Variants in LHFPL7 observed in about 807,000 individuals in gnomAD.
LHFPL7 encodes LHFPL tetraspan subfamily member 7.
At chr22:24,936,920 C>A in the LHFPL7 span, among the ~76,000 whole-genome samples, 9 of 152,194 alleles carry the variant, frequency 5.9e-5, no homozygotes, top group Admixed American at 2.0e-4. Flanking sequence ...CCGCCCCCCC[C>A]GCCGCCCAAC....
the LHFPL7 span, among the ~76,000 whole-genome samples, chr22:24,943,647 C>T: frequency 6.6e-6 from 1 of 152,190 alleles, no homozygotes; most frequent in Non-Finnish European, 1.5e-5. Flanking sequence ...AGAACTGAGA[C>T]TCATACTTTG....
the LHFPL7 span, among the ~76,000 whole-genome samples, chr22:24,945,139 G>A: frequency 6.6e-6 from 1 of 152,160 alleles, no homozygotes; most frequent in African/African-American, 2.4e-5. Flanking sequence ...CTGGCTTCAA[G>A]AGATCCTCCT....
chr22:24,941,823 C>T, the LHFPL7 span, among the ~76,000 whole-genome samples: 13 of 151,720 alleles, frequency 8.6e-5, no homozygotes, highest in South Asian at 2.1e-4. Context: ...CAAGCCATCA[C>T]GCCCAGCTAA....
chr22:24,941,255 G>A, the LHFPL7 span, among the ~76,000 whole-genome samples: 314 of 151,478 alleles, frequency 2.1e-3, 1 homozygote, highest in African/African-American at 7.1e-3. Flanking sequence ...TGCAACCTCT[G>A]CCTCCCAGAT....
chr22:24,940,477 T>C, the LHFPL7 span, among the ~76,000 whole-genome samples: 1 of 150,758 alleles, frequency 6.6e-6, no homozygotes, highest in Admixed American at 6.6e-5. Context: ...GCGCCTGTAG[T>C]CCCAGCTACT....
chr22:24,942,060 ATCTCC>A, the LHFPL7 span, among the ~76,000 whole-genome samples: 2 of 151,800 alleles, frequency 1.3e-5, no homozygotes, highest in African/African-American at 4.8e-5. Flanking sequence ...CAGTGGCACG[ATCTCC>A]ATTCACTGCA....
the LHFPL7 span, among the ~76,000 whole-genome samples, chr22:24,946,202 C>T: frequency 6.6e-6 from 1 of 151,976 alleles, no homozygotes; most frequent in Admixed American, 6.6e-5. Flanking sequence ...CCCAGCTATT[C>T]GGGAGGCTGA....
At chr22:24,940,045 A>G in the LHFPL7 span, among the ~76,000 whole-genome samples, 1 of 145,674 alleles carries the variant, frequency 6.9e-6, no homozygotes, top group Non-Finnish European at 1.5e-5. Flanking sequence ...CTCCTGCCTC[A>G]GCCTCCGGAG....
the LHFPL7 span, chr22:24,935,529 ACTT>A: frequency 6.2e-7 from 1 of 1,613,940 alleles, no homozygotes; most frequent in South Asian, 1.1e-5. Context: ...GGCTTCGCAC[ACTT>A]CCTTGATGAA....
At chr22:24,939,097 G>A in the LHFPL7 span, among the ~76,000 whole-genome samples, 2 of 152,140 alleles carry the variant, frequency 1.3e-5, no homozygotes, top group Non-Finnish European at 2.9e-5. Context: ...CAGAGACAGG[G>A]GCTCCGGGTG....
the LHFPL7 span, chr22:24,935,250 A>G: frequency 6.6e-7 from 1 of 1,521,580 alleles, no homozygotes; most frequent in African/African-American, 1.4e-5. Context: ...AGCAAGAAGG[A>G]GCAGAGATGG....
chr22:24,935,490 C>T, the LHFPL7 span: 32 of 1,613,692 alleles, frequency 2.0e-5, no homozygotes, highest in Admixed American at 1.3e-4. Context: ...CCAACCCAGC[C>T]GGCACTTCCC....
At chr22:24,942,994 G>A in the LHFPL7 span, among the ~76,000 whole-genome samples, 3 of 151,446 alleles carry the variant, frequency 2.0e-5, no homozygotes, top group African/African-American at 4.8e-5. Context: ...CAAGTTGCAC[G>A]GGCTTTTTAC....
chr22:24,937,303 G>T, the LHFPL7 span, among the ~76,000 whole-genome samples: 1 of 152,174 alleles, frequency 6.6e-6, no homozygotes, highest in African/African-American at 2.4e-5. Context: ...TGGGGAAAGA[G>T]GAGTCCAGCA....
the LHFPL7 span, among the ~76,000 whole-genome samples, chr22:24,936,208 CTATT>C: frequency 1.3e-5 from 2 of 152,112 alleles, no homozygotes; most frequent in Admixed American, 6.6e-5. Context: ...CTCTGTCCAC[CTATT>C]TATTCACTCA....
At chr22:24,941,882 G>C in the LHFPL7 span, among the ~76,000 whole-genome samples, 1 of 152,042 alleles carries the variant, frequency 6.6e-6, no homozygotes, top group African/African-American at 2.4e-5. Context: ...GGCCAGGATG[G>C]TCTCCATCTC....
the LHFPL7 span, among the ~76,000 whole-genome samples, chr22:24,942,763 C>T: frequency 6.6e-6 from 1 of 152,090 alleles, no homozygotes; most frequent in Non-Finnish European, 1.5e-5. Flanking sequence ...AGTCAATGGG[C>T]AGGGTGATAT....
the LHFPL7 span, chr22:24,939,508 C>T: frequency 1.4e-5 from 10 of 702,798 alleles, no homozygotes; most frequent in Non-Finnish European, 2.3e-5. Context: ...AGAGAGAGCC[C>T]CAGAGCTACC....
the LHFPL7 span, chr22:24,939,637 A>T: frequency 1.5e-6 from 1 of 682,118 alleles, no homozygotes; most frequent in East Asian, 2.7e-5. Context: ...CTAGCCAGGG[A>T]TCTGGTGTTA....
Sources: gnomAD v4.1 joint callset for allele counts (sites outside exome capture counted in the v4.1 genomes callset) on GRCh38, gnomAD v4.1.1 for gene constraint, MANE v1.5 for transcripts, NCBI Gene and HGNC (gene_info 2026-07-23, HGNC 2026-07-21) for gene names.